Variants in KIRREL3 observed in about 807,000 individuals in gnomAD.
The protein encoded by KIRREL3 is kin of IRRE-like protein 3.
KIRREL3 carries 36 observed loss-of-function variants against 89.7 expected under a neutral mutation model. The observed-to-expected ratio is 0.40, with a 90% CI of 0.31 to 0.53. The LOEUF (loss-of-function observed/expected upper bound fraction) is 0.53, where lower values mean the gene tolerates loss of function less well. KIRREL3 is among the 20% of genes least tolerant of loss of function. The pLI, the probability that KIRREL3 is intolerant of heterozygous loss-of-function variation, is 0.49. For synonymous variants in KIRREL3, 445 were observed against 441.4 expected, an observed-to-expected ratio of 1.01 and a Z score of -0.10; for missense variants, 864 against 1,056.6, an observed-to-expected ratio of 0.82 and a Z score of 2.53.
chr11:126,785,267 A>T (rs750483522), intron 1 of KIRREL3, among the ~76,000 whole-genome samples: 2 of 152,166 alleles, frequency 1.3e-5, no homozygotes, highest in African/African-American at 2.4e-5. Flanking sequence ...TTATGGAAAT[A>T]TCTTAATACA....
Position 126,640,569 on chromosome 11 carries a change from A to G in KIRREL3, c.56-77657T>C, listed in dbSNP as rs546283352. Among the ~76,000 whole-genome samples the G allele has an allele frequency of 6.6e-6, 1 of 152,274 alleles. No individual in the cohort carries two copies. Among genetic ancestry groups the G allele is most frequent in the East Asian group, 1.9e-4 (1 of 5,186 alleles). On this transcript the variant is annotated intron_variant, in intron 1 of 16. Coordinates refer to ENST00000525144, the MANE Select transcript of KIRREL3 (RefSeq NM_032531.4). This position sits in a 1 kb window ranked among gnomAD's most constrained non-coding sequence, Gnocchi z 4.9. ...CTGCTTGTACCTGAAATGTGTGGCG[A>G]AGAGGGTCCAGCAGTCAGATTAATA...
At chr11:126,580,448 A>G (rs1414600346) in intron 1 of KIRREL3, among the ~76,000 whole-genome samples, 1 of 152,134 alleles carries the variant, frequency 6.6e-6, no homozygotes, top group Non-Finnish European at 1.5e-5. Context: ...GCTTGAGCCA[A>G]GGGTTCAGGT....
At position 126,486,520 on chromosome 11, in the gene KIRREL3, A is replaced by G. The variant is rs550945146; in HGVS notation, c.434-13054T>C. The stretch of plus-strand genomic sequence containing the variant: ...CATGCCCCCTTGCAGCCGCTCACAA[A>G]GCTCTCCAGCTGGTTTCGACCTTAA... On this transcript the variant is annotated intron_variant, in intron 4 of 16. Coordinates refer to ENST00000525144, the MANE Select transcript of KIRREL3 (RefSeq NM_032531.4). The surrounding 1 kb of genome is among the most constrained non-coding windows in gnomAD (Gnocchi z 6.2). Among the ~76,000 whole-genome samples the G allele has an allele frequency of 6.6e-6, 1 of 152,344 alleles. No homozygotes were observed. Among genetic ancestry groups the G allele is most frequent in the South Asian group, 2.1e-4 (1 of 4,828 alleles).
chr11:126,469,972 G>C (rs1374005911), intron 5 of KIRREL3, among the ~76,000 whole-genome samples: 1 of 152,250 alleles, frequency 6.6e-6, no homozygotes, highest in East Asian at 1.9e-4. Flanking sequence ...AGTGGAAGCT[G>C]GAACCCAGGC....
intron 1 of KIRREL3, among the ~76,000 whole-genome samples, chr11:126,698,417 G>A (rs1223803757): frequency 6.6e-6 from 1 of 152,220 alleles, no homozygotes; most frequent in African/African-American, 2.4e-5. Context: ...TCCAAAGGAG[G>A]CAGGGCCACA....
At position 126,601,421 on chromosome 11, in the gene KIRREL3, C is replaced by T. The variant is rs1591801737; in HGVS notation, c.56-38509G>A. On this transcript the variant is annotated intron_variant, in intron 1 of 16. Transcript: ENST00000525144. This position sits in a 1 kb window ranked among gnomAD's most constrained non-coding sequence, Gnocchi z 5.8. Reference sequence around the variant, plus strand: ...ATCTCATCTTGTTTCTTTCCAAGCACCAGGGAAGAAAAGCAATTTGTTTGC... The same window carrying T: ...ATCTCATCTTGTTTCTTTCCAAGCATCAGGGAAGAAAAGCAATTTGTTTGC... Among the ~76,000 whole-genome samples, 1 of 152,182 alleles carries T rather than the reference C, an allele frequency of 6.6e-6. No homozygotes were observed. The highest frequency in any genetic ancestry group is 1.5e-5 in the Non-Finnish European group (1 of 68,024).
At chr11:126,939,078 T>A (rs1197896861) in intron 1 of KIRREL3, among the ~76,000 whole-genome samples, 1 of 152,220 alleles carries the variant, frequency 6.6e-6, no homozygotes, top group African/African-American at 2.4e-5. Flanking sequence ...ATGCCTGTTG[T>A]TATCAATGTA....
intron 4 of KIRREL3, among the ~76,000 whole-genome samples, chr11:126,500,401 T>C (rs1957817799): frequency 6.6e-6 from 1 of 152,172 alleles, no homozygotes; most frequent in South Asian, 2.1e-4. Context: ...GCCTGCTTGG[T>C]GTCTGGTGAG....
At chr11:126,936,177 T>G (rs1948177120) in intron 1 of KIRREL3, 2 of 151,984 alleles carry the variant, frequency 1.3e-5, no homozygotes, top group Non-Finnish European at 2.9e-5. Flanking sequence ...AAATACAAAT[T>G]AAAACCACAA....
At chr11:126,589,981 A>G (rs986259633) in intron 1 of KIRREL3, among the ~76,000 whole-genome samples, 1 of 152,222 alleles carries the variant, frequency 6.6e-6, no homozygotes, top group Non-Finnish European at 1.5e-5. Flanking sequence ...AATACCAGCC[A>G]GGGCCACTGC....
intron 1 of KIRREL3, among the ~76,000 whole-genome samples, chr11:126,984,553 T>G (rs762049128): frequency 2.0e-5 from 3 of 152,236 alleles, no homozygotes; most frequent in Non-Finnish European, 4.4e-5. Flanking sequence ...TGCCAGGTGC[T>G]AAGTCCTTAC....
At position 126,485,959 on chromosome 11, in the gene KIRREL3, A is replaced by T. The variant is rs1957348999; in HGVS notation, c.434-12493T>A. 6.6e-6 allele frequency among the ~76,000 whole-genome samples: 1 copy of T among 152,228 alleles called. No individual in the cohort carries two copies. The highest frequency in any genetic ancestry group is 6.5e-5 in the Admixed American group (1 of 15,288). ...AGGGAGCCAGGTGCTGTCAGGGTCA[A>T]AGTCAGCAGTGGCTTGGTTCGCTCC... is the stretch of plus-strand genomic sequence containing the variant. On this transcript the variant is annotated intron_variant, in intron 4 of 16. Transcript: ENST00000525144. The surrounding 1 kb of genome is among the most constrained non-coding windows in gnomAD (Gnocchi z 5.8).
rs183274374 is a variant in KIRREL3 at position 126,641,588 on chromosome 11, G to C, written c.56-78676C>G. Among the ~76,000 whole-genome samples the C allele has an allele frequency of 6.6e-6, 1 of 151,990 alleles. No homozygotes were observed. Among genetic ancestry groups the C allele is most frequent in the East Asian group, 1.9e-4 (1 of 5,182 alleles). On this transcript the variant is annotated intron_variant, in intron 1 of 16. Coordinates refer to ENST00000525144, the MANE Select transcript of KIRREL3 (RefSeq NM_032531.4). This position sits in a 1 kb window ranked among gnomAD's most constrained non-coding sequence, Gnocchi z 5.0. ...TGTCTCACCAATCCATTTACAGGTCGCAGACATTTACAACACCAGCCTCCT... is the reference window on the plus strand; with the variant it reads ...TGTCTCACCAATCCATTTACAGGTCCCAGACATTTACAACACCAGCCTCCT...
At chr11:126,451,212 TG>T (rs1345527890) in intron 7 of KIRREL3, among the ~76,000 whole-genome samples, 2 of 148,412 alleles carry the variant, frequency 1.3e-5, no homozygotes, top group Non-Finnish European at 3.0e-5. Context: ...TGTGTGTGCA[TG>T]TGTGGGTGTG....
Position 126,623,125 on chromosome 11 carries a change from A to G in KIRREL3, c.56-60213T>C, listed in dbSNP as rs1428360812. On this transcript the variant is annotated intron_variant, in intron 1 of 16. Coordinates refer to ENST00000525144, the MANE Select transcript of KIRREL3 (RefSeq NM_032531.4). This position sits in a 1 kb window ranked among gnomAD's most constrained non-coding sequence, Gnocchi z 4.1. ...AAGAGACTTTGGCTCCACTTTAGAC[A>G]TAAGAAAACAGAAATAGGTCATCAT... Among the ~76,000 whole-genome samples, 1 of 152,208 alleles carries G rather than the reference A, an allele frequency of 6.6e-6. No homozygotes were observed. The highest frequency in any genetic ancestry group is 2.4e-5 in the African/African-American group (1 of 41,464).
Position 126,528,640 on chromosome 11 carries a change from T to C in KIRREL3, c.134-1953A>G, listed in dbSNP as rs1958841260. ...TTAATCAGCTATGTATGGTAGGTTT[T>C]TTTTTTCCTCTCTGTCTCTTCAAGT... On this transcript the variant is annotated intron_variant, in intron 2 of 16. Transcript: ENST00000525144. This position sits in a 1 kb window ranked among gnomAD's most constrained non-coding sequence, Gnocchi z 4.6. 6.6e-6 allele frequency among the ~76,000 whole-genome samples: 1 copy of C among 152,102 alleles called. No individual in the cohort carries two copies. The highest frequency in any genetic ancestry group is 6.5e-5 in the Admixed American group (1 of 15,276).
rs923634822 is a variant in KIRREL3, at chr11:126,796,738, T to C, written c.55+203717A>G. 6.6e-5 allele frequency among the ~76,000 whole-genome samples: 10 copies of C among 152,160 alleles called. No individual in the cohort carries two copies. The highest frequency in any genetic ancestry group is 7.3e-5 in the Non-Finnish European group (5 of 68,036). On this transcript the variant is annotated intron_variant, in intron 1 of 16. Coordinates refer to ENST00000525144, the MANE Select transcript of KIRREL3 (RefSeq NM_032531.4). This position sits in a 1 kb window ranked among gnomAD's most constrained non-coding sequence, Gnocchi z 5.1. ...TTGCCCAGGCTGGAGTGCAGTGGCA[T>C]GATCTTGGCTCACTGCAGCCTCAAC...
chr11:126,511,974 G>A (rs991833247), intron 4 of KIRREL3, among the ~76,000 whole-genome samples: 10 of 152,220 alleles, frequency 6.6e-5, no homozygotes, highest in African/African-American at 2.4e-4. Context: ...TCCTGGGTTT[G>A]ACACCCAGGA....
At chr11:126,832,782 C>T (rs1025447100) in intron 1 of KIRREL3, among the ~76,000 whole-genome samples, 1 of 152,176 alleles carries the variant, frequency 6.6e-6, no homozygotes, top group Non-Finnish European at 1.5e-5. Context: ...AGAAAACCTA[C>T]TCCTTTTTGG....
Sources: gnomAD v4.1 joint callset for allele counts (sites outside exome capture counted in the v4.1 genomes callset) on GRCh38, gnomAD v4.1.1 for gene constraint, Gnocchi (gnomAD v3.1) non-coding constraint, MANE v1.5 for transcripts, NCBI Gene and HGNC (gene_info 2026-07-23, HGNC 2026-07-21) for gene names.